The following ACVR1C variants were observed in gnomAD, a reference collection of about 807,000 sequenced individuals.
ACVR1C encodes the protein activin receptor type-1C.
In ACVR1C, 23 loss-of-function variants were observed where a neutral mutation model predicts 57.9. The observed-to-expected ratio is 0.40, with a 90% CI of 0.29 to 0.56. The LOEUF is 0.56. ACVR1C is among the 20% of genes least tolerant of loss of function. The pLI is 0.50. For synonymous variants in ACVR1C, 214 were observed against 215.3 expected (o/e 0.99, Z 0.05); for missense variants, 480 against 607.9 (o/e 0.79, Z 2.21).
intron 1 of ACVR1C, among the ~76,000 whole-genome samples, chr2:157,627,817 A>C (rs1363304898): frequency 6.6e-6 from 1 of 152,248 alleles, no homozygotes; most frequent in Admixed American, 6.5e-5. Context: ...TAGTCACAGC[A>C]TATTATGATT....
chr2:157,554,251 GAA>G (rs1163603146), intron 3 of ACVR1C, among the ~76,000 whole-genome samples: 5 of 122,450 alleles, frequency 4.1e-5, no homozygotes, highest in African/African-American at 1.5e-4. Context: ...AAGAAAGAAA[GAA>G]AGAAAGAAAG....
intron 2 of ACVR1C, among the ~76,000 whole-genome samples, chr2:157,562,573 A>G (rs1688268042): frequency 6.6e-6 from 1 of 151,850 alleles, no homozygotes; most frequent in African/African-American, 2.4e-5. Context: ...TCCTTCTGAA[A>G]CTATTCCAAA....
chr2:157,575,133 T>TC (rs1688611931), intron 2 of ACVR1C, among the ~76,000 whole-genome samples: 1 of 144,892 alleles, frequency 6.9e-6, no homozygotes, highest in Admixed American at 6.9e-5. Context: ...GGCAAGTTCT[T>TC]TTTTTTTTTT....
At chr2:157,608,798 A>AT (rs1436757646) in intron 1 of ACVR1C, among the ~76,000 whole-genome samples, 1 of 151,664 alleles carries the variant, frequency 6.6e-6, no homozygotes, top group African/African-American at 2.4e-5. Flanking sequence ...GGTCTTTTGT[A>AT]TTTTTGTGGT....
rs951057479 is a variant in ACVR1C, at chr2:157,532,018, G to A, written c.*1900C>T. 2 of 152,102 alleles carry A rather than the reference G, an allele frequency of 1.3e-5. No homozygotes were observed. The highest frequency in any genetic ancestry group is 2.9e-5 in the Non-Finnish European group (2 of 68,002). The allele number at this position is 152,102 out of a possible 1,614,324, so 9.4% of individuals were successfully genotyped here. A position where few individuals can be genotyped will look rare whatever the true frequency, so the allele number is the denominator to read the frequency against. On this transcript the variant is annotated 3_prime_UTR_variant, in exon 9 of 9. Coordinates refer to ENST00000243349, the MANE Select transcript of ACVR1C (RefSeq NM_145259.3). Reference sequence around the variant, plus strand: ...ATATTGTGGCAAGCAAGATATGGGTGCTCTATGATTATTTAATAAGTGGAT... The same window carrying A: ...ATATTGTGGCAAGCAAGATATGGGTACTCTATGATTATTTAATAAGTGGAT...
chr2:157,612,535 G>C (rs1221489130), intron 1 of ACVR1C, among the ~76,000 whole-genome samples: 2 of 152,202 alleles, frequency 1.3e-5, no homozygotes, highest in African/African-American at 2.4e-5. Flanking sequence ...AACTGCTGCA[G>C]CAGTGTGTGG....
chr2:157,613,749 T>C (rs140110438), intron 1 of ACVR1C, among the ~76,000 whole-genome samples: 51 of 152,318 alleles, frequency 3.3e-4, no homozygotes, highest in African/African-American at 1.1e-3. Flanking sequence ...GTTGTTATAT[T>C]TTTCTTCAAT....
intron 2 of ACVR1C, among the ~76,000 whole-genome samples, chr2:157,564,067 G>A (rs1404732778): frequency 2.0e-5 from 3 of 152,206 alleles, no homozygotes; most frequent in East Asian, 1.9e-4. Context: ...CAAAGATTTC[G>A]TGATGAAAAT....
intron 1 of ACVR1C, among the ~76,000 whole-genome samples, chr2:157,613,176 C>A (rs2105150888): frequency 6.6e-6 from 1 of 152,276 alleles, no homozygotes; most frequent in Admixed American, 6.5e-5. Context: ...CTTCCTTTTT[C>A]TTCCGTGTCT....
At chr2:157,538,855 A>C (rs1204375188) in intron 7 of ACVR1C, 152 bp from the exon 8 acceptor site, 12 of 526,074 alleles carry the variant, frequency 2.3e-5, no homozygotes, top group Non-Finnish European at 3.2e-5. Flanking sequence ...TATAAAATCA[A>C]GGATATAAGT....
intron 7 of ACVR1C, among the ~76,000 whole-genome samples, chr2:157,539,884 G>A (rs1409835442): frequency 6.6e-6 from 1 of 152,134 alleles, no homozygotes; most frequent in Non-Finnish European, 1.5e-5. Context: ...ATGAATAAAA[G>A]AGAAAAAGTA....
intron 4 of ACVR1C, among the ~76,000 whole-genome samples, chr2:157,549,448 A>T (rs1687856377): frequency 6.6e-6 from 1 of 152,168 alleles, no homozygotes; most frequent in African/African-American, 2.4e-5. Context: ...CCAAGCAGCA[A>T]CTAATGGGTA....
chr2:157,625,982 T>G (rs1281360138), intron 1 of ACVR1C, among the ~76,000 whole-genome samples: 1 of 152,114 alleles, frequency 6.6e-6, no homozygotes, highest in Non-Finnish European at 1.5e-5. Flanking sequence ...TGCTCTTGTT[T>G]TTAGAGACGG....
chr2:157,620,050 T>C (rs1473335072), intron 1 of ACVR1C, among the ~76,000 whole-genome samples: 1 of 152,104 alleles, frequency 6.6e-6, no homozygotes, highest in East Asian at 1.9e-4. Flanking sequence ...TAACTCTCTA[T>C]ACTTCTAAAG....
intron 2 of ACVR1C, among the ~76,000 whole-genome samples, chr2:157,563,645 G>C (rs1416145391): frequency 1.3e-5 from 2 of 152,132 alleles, no homozygotes; most frequent in Admixed American, 1.3e-4. Context: ...CCAAAAAAGA[G>C]CCTGTATAGC....
chr2:157,592,121 C>T (rs1404058085), intron 1 of ACVR1C, among the ~76,000 whole-genome samples: 2 of 151,966 alleles, frequency 1.3e-5, no homozygotes, highest in Non-Finnish European at 2.9e-5. Flanking sequence ...ACAAATTCTA[C>T]CTACCTATTT....
At position 157,628,426 on chromosome 2, in the gene ACVR1C, G is replaced by A. The variant is rs1283162081; in HGVS notation, c.73+146C>T. 4 of 930,794 alleles carry A rather than the reference G, an allele frequency of 4.3e-6. No homozygotes were observed. In the East Asian group the frequency reaches 1.1e-4, roughly 25 times the overall value. The allele number at this position is 930,794 out of a possible 1,614,324, so 57.7% of individuals were successfully genotyped here. A position where few individuals can be genotyped will look rare whatever the true frequency, so the allele number is the denominator to read the frequency against. ...GTGCCCACGCTGCACCCTATCCCGC[G>A]CCCCCTCAATCCGACTGGCGCTTCC... On this transcript the variant is annotated intron_variant, in intron 1 of 8. Coordinates refer to ENST00000243349, the MANE Select transcript of ACVR1C (RefSeq NM_145259.3).
At chr2:157,566,950 A>G (rs1688403741) in intron 2 of ACVR1C, among the ~76,000 whole-genome samples, 1 of 135,720 alleles carries the variant, frequency 7.4e-6, no homozygotes, top group Non-Finnish European at 1.6e-5. Flanking sequence ...TAACCTCTGC[A>G]GACTTAAGTG....
rs568720703 is a variant in ACVR1C at position 157,627,908 on chromosome 2, T to C, written c.73+664A>G. Among the ~76,000 whole-genome samples, 4 of 152,238 alleles carry C rather than the reference T, an allele frequency of 2.6e-5. No individual in the cohort carries two copies. The South Asian group carries it at 6.2e-4, about 24-fold the overall frequency. On this transcript the variant is annotated intron_variant, in intron 1 of 8. Transcript: ENST00000243349. Reference sequence around the variant, plus strand: ...CTTCTAGATTGGGTAGAGGGCTCTATTTAGCCTATCAAGGCACAGACCTGT... The same window carrying C: ...CTTCTAGATTGGGTAGAGGGCTCTACTTAGCCTATCAAGGCACAGACCTGT...
Sources: allele counts gnomAD v4.1 joint callset (sites outside exome capture counted in the v4.1 genomes callset), GRCh38; gene constraint gnomAD v4.1.1; transcripts MANE v1.5; gene names NCBI Gene and HGNC (gene_info 2026-07-23, HGNC 2026-07-21).